The following CXADR variants were observed in gnomAD, a reference collection of about 807,000 sequenced individuals.
CXADR encodes CXADR cell adhesion molecule.
A neutral mutation model predicts 40.3 loss-of-function variants in CXADR; 20 were observed. The observed-to-expected ratio is 0.50, with a 90% CI of 0.35 to 0.72. CXADR has a LOEUF of 0.72. Among genes scored for constraint, CXADR ranks in the 30% least tolerant of loss-of-function variants. The pLI is 0.01. For missense variants in CXADR, 332 were observed against 449.1 expected (o/e 0.74, Z 2.36); for synonymous variants, 150 against 161.3 (o/e 0.93, Z 0.53).
intron 1 of CXADR, among the ~76,000 whole-genome samples, chr21:17,528,441 C>T (rs1222412535): frequency 6.6e-6 from 1 of 151,204 alleles, no homozygotes; most frequent in Non-Finnish European, 1.5e-5. Context: ...GAGTTTCGCT[C>T]GTTACCCAGG....
chr21:17,595,107 C>G (rs1030341439), downstream of CXADR, among the ~76,000 whole-genome samples: 1 of 151,940 alleles, frequency 6.6e-6, no homozygotes. Context: ...ACAAAGCTCC[C>G]CAGGTGATTC....
chr21:17,572,993 G>A (rs1434765300), downstream of CXADR, among the ~76,000 whole-genome samples: 1 of 152,098 alleles, frequency 6.6e-6, no homozygotes, highest in African/African-American at 2.4e-5. Context: ...TGTAACAAAT[G>A]GCTACAAATT....
chr21:17,573,322 A>G (rs1211540067), downstream of CXADR, among the ~76,000 whole-genome samples: 1 of 152,144 alleles, frequency 6.6e-6, no homozygotes, highest in Non-Finnish European at 1.5e-5. Flanking sequence ...AGACTTCAAC[A>G]TAGAGGTGTC....
At chr21:17,598,672 T>C in the CXADR span, 1 of 1,614,150 alleles carries the variant, frequency 6.2e-7, no homozygotes, top group South Asian at 1.1e-5. Flanking sequence ...TTCCATTTCC[T>C]TACTTGTTTC....
chr21:17,620,198 A>G, the CXADR span, among the ~76,000 whole-genome samples: 1 of 152,176 alleles, frequency 6.6e-6, no homozygotes, highest in Admixed American at 6.5e-5. Context: ...AAACTTAATC[A>G]TCTCTAGCTC....
At chr21:17,529,587 C>A (rs2060643969) in intron 1 of CXADR, among the ~76,000 whole-genome samples, 1 of 152,196 alleles carries the variant, frequency 6.6e-6, no homozygotes, top group South Asian at 2.1e-4. Flanking sequence ...TCCCAAAGTG[C>A]TAGGATTACA....
intron 7 of CXADR, among the ~76,000 whole-genome samples, chr21:17,579,630 G>A (rs1321165387): frequency 6.6e-6 from 1 of 152,122 alleles, no homozygotes; most frequent in Non-Finnish European, 1.5e-5. Context: ...TTCCCTGGGC[G>A]GCTTGCCAGT....
In CXADR at chr21:17,537,792, C is replaced by G. The variant is rs192738584; in HGVS notation, c.44-9235C>G. Among the ~76,000 whole-genome samples the G allele has an allele frequency of 4.9e-4, 75 of 152,074 alleles. 1 individual carries two copies. The South Asian group carries it at 7.5e-3, about 15-fold the overall frequency. ...AAAAAAAACCAGTGATGATCAAGAA[C>G]AGCATGAGCTTTGCCACCAAAGTCA... On this transcript the variant is annotated intron_variant, in intron 1 of 6. Coordinates refer to ENST00000284878, the MANE Select transcript of CXADR (RefSeq NM_001338.5).
At chr21:17,594,734 T>C (rs879339137), downstream of CXADR, among the ~76,000 whole-genome samples, 1 of 151,998 alleles carries the variant, frequency 6.6e-6, no homozygotes, top group African/African-American at 2.4e-5. Flanking sequence ...CTTAGCAAAC[T>C]AATGCAGAAA....
chr21:17,540,486 G>A (rs146781615), intron 1 of CXADR, among the ~76,000 whole-genome samples: 11 of 152,284 alleles, frequency 7.2e-5, no homozygotes, highest in Admixed American at 2.6e-4. Context: ...ATGAGTGAAA[G>A]TCAGCATTAC....
chr21:17,605,867 A>G, the CXADR span, among the ~76,000 whole-genome samples: 2 of 152,224 alleles, frequency 1.3e-5, no homozygotes, highest in Admixed American at 1.3e-4. Flanking sequence ...AGTATTTATC[A>G]GGTAAGCCTA....
At chr21:17,519,073 C>A (rs2060496513) in intron 1 of CXADR, 3 of 962,900 alleles carry the variant, frequency 3.1e-6, no homozygotes, top group Non-Finnish European at 3.3e-6. Context: ...GATATGCCCC[C>A]TCTTAATCTT....
At chr21:17,543,078 CAAA>C (rs947269445) in intron 1 of CXADR, 1 of 336,200 alleles carries the variant, frequency 3.0e-6, no homozygotes, top group Non-Finnish European at 5.9e-6. Flanking sequence ...GAAAGAAAAA[CAAA>C]AAACAAAAAA....
At chr21:17,586,645 G>C (rs2061398605) in intron 7 of CXADR, among the ~76,000 whole-genome samples, 1 of 151,358 alleles carries the variant, frequency 6.6e-6, no homozygotes, top group South Asian at 2.1e-4. Flanking sequence ...TAATATATTT[G>C]GAATCTATTT....
At chr21:17,590,257 T>C (rs2123404355) in intron 7 of CXADR, among the ~76,000 whole-genome samples, 1 of 149,376 alleles carries the variant, frequency 6.7e-6, no homozygotes, top group East Asian at 2.0e-4. Flanking sequence ...GAGAAACAAA[T>C]TCAGTACTTT....
intron 3 of CXADR, among the ~76,000 whole-genome samples, chr21:17,557,559 G>T (rs540256992): frequency 9.9e-5 from 15 of 152,168 alleles, no homozygotes; most frequent in Non-Finnish European, 1.8e-4. Context: ...GGCTGACTGG[G>T]CTTTGACAGT....
chr21:17,597,376 C>T (rs1232729588), downstream of CXADR, among the ~76,000 whole-genome samples: 3 of 151,396 alleles, frequency 2.0e-5, no homozygotes, highest in African/African-American at 7.3e-5. Flanking sequence ...ATATATAATC[C>T]ATCACACAGA....
chr21:17,625,748 G>A, the CXADR span, among the ~76,000 whole-genome samples: 30 of 152,038 alleles, frequency 2.0e-4, no homozygotes, highest in Admixed American at 4.6e-4. Flanking sequence ...ACATTTCCTC[G>A]TTTAATTATC....
At chr21:17,522,229 A>G (rs1278192909) in intron 1 of CXADR, among the ~76,000 whole-genome samples, 1 of 151,246 alleles carries the variant, frequency 6.6e-6, no homozygotes, top group Non-Finnish European at 1.5e-5. Flanking sequence ...ACTCACCGCA[A>G]CCTCTGCCTC....
Sources: allele counts gnomAD v4.1 joint callset (sites outside exome capture counted in the v4.1 genomes callset), GRCh38; gene constraint gnomAD v4.1.1; transcripts MANE v1.5; gene names NCBI Gene and HGNC (gene_info 2026-07-23, HGNC 2026-07-21).